The following ADAMTSL3 variants were observed in gnomAD, a reference collection of about 807,000 sequenced individuals.
ADAMTSL3 encodes the protein ADAMTS like 3, also known as ADAMTS-like protein 3.
A neutral mutation model predicts 201.7 loss-of-function variants in ADAMTSL3; 128 were observed. That is an observed-to-expected ratio of 0.63 (90% confidence interval 0.55 to 0.73). The LOEUF (loss-of-function observed/expected upper bound fraction) is 0.73. Ranked by LOEUF, ADAMTSL3 falls within the 30% of genes least tolerant of loss-of-function variation. The pLI is 0.00. For missense variants in ADAMTSL3, 1,990 were observed against 2,119.6 expected (o/e 0.94, Z 1.20); for synonymous variants, 738 against 748.4 (o/e 0.99, Z 0.23).
At chr15:84,030,797 C>A (rs1267344810) in intron 27 of ADAMTSL3, among the ~76,000 whole-genome samples, 1 of 152,160 alleles carries the variant, frequency 6.6e-6, no homozygotes, top group Non-Finnish European at 1.5e-5. Flanking sequence ...TCCCCACAAT[C>A]CCCACATGTC....
intron 5 of ADAMTSL3, among the ~76,000 whole-genome samples, chr15:83,817,596 G>T (rs1027005313): frequency 1.3e-5 from 2 of 152,130 alleles, no homozygotes; most frequent in Non-Finnish European, 2.9e-5. Flanking sequence ...CAACAGAAAT[G>T]ACAAAGAGTT....
chr15:84,037,878 G>A lies in ADAMTSL3; in HGVS notation c.*72G>A. The A allele has an allele frequency of 1.3e-6, 2 of 1,522,666 alleles. No homozygotes were observed. Among genetic ancestry groups the A allele is most frequent in the Admixed American group, 2.4e-5 (1 of 41,814 alleles). 94.3% of individuals were successfully genotyped at this position (1,522,666 alleles called of 1,614,324 possible). A position where few individuals can be genotyped will look rare whatever the true frequency, so the allele number is the denominator to read the frequency against. ...TAAAAGCTCTTTTCCCCATGTCGCT[G>A]ATTCAAAAACATGTATTTCTTAAAA... On this transcript the variant is annotated 3_prime_UTR_variant, in exon 30 of 30. Coordinates refer to ENST00000286744, the MANE Select transcript of ADAMTSL3 (RefSeq NM_207517.3).
chr15:83,845,785 C>T (rs1483979933), intron 7 of ADAMTSL3, among the ~76,000 whole-genome samples: 5 of 152,172 alleles, frequency 3.3e-5, no homozygotes, highest in Non-Finnish European at 5.9e-5. Context: ...AGATACACCA[C>T]AAGAATGAGT....
chr15:83,853,603 C>G (rs2064664732), intron 7 of ADAMTSL3, among the ~76,000 whole-genome samples: 1 of 152,100 alleles, frequency 6.6e-6, no homozygotes, highest in South Asian at 2.1e-4. Flanking sequence ...TAGTAAATTA[C>G]ATTAGTAGGT....
chr15:83,915,122 C>T (rs766680426), intron 16 of ADAMTSL3, among the ~76,000 whole-genome samples: 23 of 152,304 alleles, frequency 1.5e-4, no homozygotes, highest in South Asian at 2.1e-4. Context: ...TCACTAGAGA[C>T]TTGGAGCTGT....
chr15:83,663,037 CT>C (rs1567057407), intron 2 of ADAMTSL3, among the ~76,000 whole-genome samples: 1 of 152,134 alleles, frequency 6.6e-6, no homozygotes, highest in Non-Finnish European at 1.5e-5. Context: ...AGCAGGCAGC[CT>C]TATTGGATGG....
chr15:83,862,871 A>G (rs2064895376), intron 8 of ADAMTSL3: 3 of 152,162 alleles, frequency 2.0e-5, no homozygotes, highest in Non-Finnish European at 4.4e-5. Context: ...TATTCAGGAA[A>G]CCCATCTCAC....
At chr15:83,955,701 A>G (rs1482533570) in intron 19 of ADAMTSL3, among the ~76,000 whole-genome samples, 1 of 152,018 alleles carries the variant, frequency 6.6e-6, no homozygotes, top group Non-Finnish European at 1.5e-5. Flanking sequence ...TGTGTCTAGA[A>G]ATGTCACCCA....
Position 83,817,800 on chromosome 15 carries a change from C to A in ADAMTSL3, c.364-2011C>A, listed in dbSNP as rs186628815. 9.2e-5 allele frequency among the ~76,000 whole-genome samples: 14 copies of A among 152,174 alleles called. No homozygotes were observed. In the East Asian group the frequency reaches 2.7e-3, roughly 29 times the overall value. On this transcript the variant is annotated intron_variant, in intron 5 of 29. Transcript: ENST00000286744. ...GTGGCTCACACCTGTAATCCCAACA[C>A]TTTGGGAGGCTGAGGTGGGTGAATC...
chr15:83,908,712 A>C (rs765837420), intron 15 of ADAMTSL3, among the ~76,000 whole-genome samples: 5 of 152,140 alleles, frequency 3.3e-5, no homozygotes, highest in Non-Finnish European at 7.3e-5. Context: ...TCATGCTCAA[A>C]GTTTTGTTAG....
chr15:83,978,607 T>C (rs1228781732), intron 20 of ADAMTSL3, among the ~76,000 whole-genome samples: 2 of 152,176 alleles, frequency 1.3e-5, no homozygotes, highest in Non-Finnish European at 2.9e-5. Context: ...TGATGCCACG[T>C]TCCAGGCATT....
chr15:83,784,449 TAA>T (rs1365004836), intron 4 of ADAMTSL3, among the ~76,000 whole-genome samples: 4 of 152,216 alleles, frequency 2.6e-5, no homozygotes. Flanking sequence ...AATAATCACC[TAA>T]AGTTTCTGCC....
intron 26 of ADAMTSL3, among the ~76,000 whole-genome samples, chr15:84,022,991 T>C (rs1023527278): frequency 6.6e-6 from 1 of 152,220 alleles, no homozygotes. Flanking sequence ...CCCTCCAAAG[T>C]AAATCACGCC....
intron 29 of ADAMTSL3, 72 bp downstream of exon 29, chr15:84,037,059 C>A: frequency 1.4e-6 from 2 of 1,459,232 alleles, no homozygotes; most frequent in Non-Finnish European, 1.9e-6. Flanking sequence ...GCTACCATCA[C>A]GGCACCAAAC....
In ADAMTSL3 at chr15:83,823,955, CTTCTTCTTCTTCTTCTT is replaced by C. The variant is rs1567169838; in HGVS notation, c.600+3909_600+3925del. ...TCTTCTTCTTCTTCTTCTTCTTCTT[CTTCTTCTTCTTCTTCTT>C]CTCCTCCTCCTCCTCCTCCTTCTCC... On this transcript the variant is annotated intron_variant, in intron 6 of 29. Coordinates refer to ENST00000286744, the MANE Select transcript of ADAMTSL3 (RefSeq NM_207517.3). 3.8e-3 allele frequency among the ~76,000 whole-genome samples: 341 copies of C among 89,494 alleles called. 17 individuals carry two copies. The highest frequency in any genetic ancestry group is 0.024 in the East Asian group (58 of 2,430). The allele number at this position is 89,494 out of a possible 152,430, so 58.7% of individuals were successfully genotyped here. A position where few individuals can be genotyped will look rare whatever the true frequency, so the allele number is the denominator to read the frequency against.
intron 2 of ADAMTSL3, among the ~76,000 whole-genome samples, chr15:83,673,623 A>G (rs527541083): frequency 6.6e-6 from 1 of 152,276 alleles, no homozygotes; most frequent in South Asian, 2.1e-4. Context: ...TTTCCACTCT[A>G]GGAATAACCA....
chr15:83,657,394 A>G (rs1314681316), intron 2 of ADAMTSL3, among the ~76,000 whole-genome samples: 4 of 152,162 alleles, frequency 2.6e-5, no homozygotes, highest in African/African-American at 4.8e-5. Context: ...GGCAGTGTGC[A>G]TAGAAGGTCA....
At chr15:83,882,159 A>G (rs376007470) in intron 9 of ADAMTSL3, among the ~76,000 whole-genome samples, 13 of 152,336 alleles carry the variant, frequency 8.5e-5, no homozygotes, top group East Asian at 3.9e-4. Context: ...CTGTGTCAAA[A>G]AAAGAAAGAA....
intron 14 of ADAMTSL3, among the ~76,000 whole-genome samples, chr15:83,899,165 T>G (rs2141913636): frequency 6.6e-6 from 1 of 152,272 alleles, no homozygotes; most frequent in Middle Eastern, 3.4e-3. Flanking sequence ...ATCATCTCCC[T>G]CAACAACTAC....
Sources: gnomAD v4.1 joint callset for allele counts (sites outside exome capture counted in the v4.1 genomes callset) on GRCh38, gnomAD v4.1.1 for gene constraint, MANE v1.5 for transcripts, NCBI Gene and HGNC (gene_info 2026-07-23, HGNC 2026-07-21) for gene names.